The following ENTREP2 variants were observed in gnomAD, a reference collection of about 807,000 sequenced individuals.
The protein encoded by ENTREP2 is protein ENTREP2.
chr15:29,380,150 G>C, the ENTREP2 span, among the ~76,000 whole-genome samples: 1 of 152,070 alleles, frequency 6.6e-6, no homozygotes, highest in East Asian at 1.9e-4. Context: ...AGTACACAGG[G>C]GTTCATGACA....
the ENTREP2 span, among the ~76,000 whole-genome samples, chr15:29,315,557 C>G: frequency 6.6e-6 from 1 of 152,166 alleles, no homozygotes; most frequent in Non-Finnish European, 1.5e-5. Flanking sequence ...CCAGTTATAT[C>G]AGAACTGATT....
chr15:29,393,637 C>T, the ENTREP2 span, among the ~76,000 whole-genome samples: 1 of 152,130 alleles, frequency 6.6e-6, no homozygotes, highest in African/African-American at 2.4e-5. Flanking sequence ...CTTCAAAGTG[C>T]CTACTCAGCC....
the ENTREP2 span, chr15:29,124,650 G>C: frequency 6.5e-7 from 1 of 1,531,186 alleles, no homozygotes; most frequent in Non-Finnish European, 8.8e-7. Flanking sequence ...CCTCCCAGCA[G>C]GCGCAGTCAA....
At chr15:29,207,429 G>C in the ENTREP2 span, among the ~76,000 whole-genome samples, 1 of 139,386 alleles carries the variant, frequency 7.2e-6, no homozygotes, top group Non-Finnish European at 1.6e-5. Context: ...CCTCCTACGA[G>C]CGGTGTGCCG....
At chr15:29,308,740 T>C in the ENTREP2 span, among the ~76,000 whole-genome samples, 1 of 152,142 alleles carries the variant, frequency 6.6e-6, no homozygotes. Flanking sequence ...CCCCAACATA[T>C]GGAGCTCTGG....
the ENTREP2 span, chr15:29,269,791 G>T: frequency 1.6e-5 from 20 of 1,255,190 alleles, no homozygotes; most frequent in Non-Finnish European, 1.9e-5. Context: ...TAACGCCGGT[G>T]CCTGGAGGCG....
chr15:29,580,624 A>G, the ENTREP2 span, among the ~76,000 whole-genome samples: 3 of 152,076 alleles, frequency 2.0e-5, no homozygotes, highest in Non-Finnish European at 4.4e-5. Flanking sequence ...GCAAGACTGA[A>G]CCAAAATAGG....
the ENTREP2 span, among the ~76,000 whole-genome samples, chr15:29,528,315 A>G: frequency 6.6e-6 from 1 of 151,720 alleles, no homozygotes; most frequent in Non-Finnish European, 1.5e-5. Flanking sequence ...ATAAGAAGAT[A>G]CAGTCTCAAT....
chr15:29,243,588 T>C, the ENTREP2 span, among the ~76,000 whole-genome samples: 6 of 152,196 alleles, frequency 3.9e-5, no homozygotes, highest in Admixed American at 3.3e-4. Flanking sequence ...AAAACATACA[T>C]AGTCAACCCT....
chr15:29,517,381 T>C, the ENTREP2 span, among the ~76,000 whole-genome samples: 1 of 152,228 alleles, frequency 6.6e-6, no homozygotes, highest in Non-Finnish European at 1.5e-5. Context: ...GTTTGGTGAT[T>C]AGCCTGAGGT....
chr15:29,342,121 C>T, the ENTREP2 span, among the ~76,000 whole-genome samples: 1 of 152,152 alleles, frequency 6.6e-6, no homozygotes, highest in Non-Finnish European at 1.5e-5. Context: ...CAGAAGGTGC[C>T]CTGATTCTGG....
chr15:29,622,749 G>C, the ENTREP2 span, among the ~76,000 whole-genome samples: 1 of 152,130 alleles, frequency 6.6e-6, no homozygotes, highest in South Asian at 2.1e-4. Flanking sequence ...CTTAAACCCC[G>C]GCATGTGTTT....
chr15:29,516,092 AT>A, the ENTREP2 span, among the ~76,000 whole-genome samples: 6 of 151,260 alleles, frequency 4.0e-5, no homozygotes, highest in African/African-American at 1.5e-4. Context: ...TCCTGGAGAG[AT>A]TTTTTTTTAA....
the ENTREP2 span, among the ~76,000 whole-genome samples, chr15:29,174,615 G>A: frequency 6.6e-6 from 1 of 151,990 alleles, no homozygotes; most frequent in Non-Finnish European, 1.5e-5. Flanking sequence ...CCTGAACCTG[G>A]GAGGCGGGGT....
At chr15:29,463,066 C>A in the ENTREP2 span, among the ~76,000 whole-genome samples, 2 of 152,160 alleles carry the variant, frequency 1.3e-5, no homozygotes, top group African/African-American at 4.8e-5. Context: ...CTTTTCAAAG[C>A]CTTAACATGG....
chr15:29,468,110 C>A, the ENTREP2 span, among the ~76,000 whole-genome samples: 1 of 152,136 alleles, frequency 6.6e-6, no homozygotes, highest in Non-Finnish European at 1.5e-5. Flanking sequence ...TGTTTTTATT[C>A]CCCCAAAGAA....
chr15:29,152,838 G>A, the ENTREP2 span, among the ~76,000 whole-genome samples: 1 of 152,144 alleles, frequency 6.6e-6, no homozygotes, highest in Admixed American at 6.5e-5. Context: ...GTAATTGCAT[G>A]TTTAGTTTTA....
the ENTREP2 span, among the ~76,000 whole-genome samples, chr15:29,570,165 G>T: frequency 6.6e-6 from 1 of 151,550 alleles, no homozygotes; most frequent in South Asian, 2.1e-4. Flanking sequence ...CGGCCGCTCG[G>T]ATGGCGAGGT....
the ENTREP2 span, chr15:29,121,639 A>C: frequency 6.6e-6 from 1 of 152,358 alleles, no homozygotes; most frequent in South Asian, 2.1e-4. Context: ...GAGGAAAATT[A>C]GAGATTTCCT....
Sources: gnomAD v4.1 joint callset for allele counts (sites outside exome capture counted in the v4.1 genomes callset) on GRCh38, gnomAD v4.1.1 for gene constraint, MANE v1.5 for transcripts, NCBI Gene and HGNC (gene_info 2026-07-23, HGNC 2026-07-21) for gene names.